Variants in IL1RAPL2 observed in about 807,000 individuals in gnomAD.
IL1RAPL2 encodes the protein X-linked interleukin-1 receptor accessory protein-like 2.
IL1RAPL2 carries 3 observed loss-of-function variants against 44.1 expected under a neutral mutation model. That is an observed-to-expected ratio of 0.07 (90% CI 0.03 to 0.18). IL1RAPL2 has a LOEUF of 0.18. Ranked by LOEUF, IL1RAPL2 falls within the 10% of genes least tolerant of loss-of-function variation. IL1RAPL2 has a pLI of 1.00. For synonymous variants in IL1RAPL2, 181 were observed against 178.8 expected (o/e 1.01, Z -0.10); for missense variants, 391 against 496.4 (o/e 0.79, Z 2.02).
intron 3 of IL1RAPL2, among the ~76,000 whole-genome samples, chrX:105,204,651 C>T (rs1331821531): frequency 8.9e-6 from 1 of 112,057 alleles, no homozygotes; most frequent in African/African-American, 3.2e-5. Flanking sequence ...CACTGTGGTG[C>T]AATCTTCTAT....
intron 7 of IL1RAPL2, among the ~76,000 whole-genome samples, chrX:105,721,081 C>A (rs2038299936): frequency 9.0e-6 from 1 of 111,273 alleles, no homozygotes; most frequent in South Asian, 3.8e-4. Flanking sequence ...AATAGATGAG[C>A]AAATTGTTGT....
At chrX:104,922,261 G>T (rs1318116880) in intron 2 of IL1RAPL2, among the ~76,000 whole-genome samples, 2 of 112,988 alleles carry the variant, frequency 1.8e-5, no homozygotes, top group Non-Finnish European at 3.7e-5. Flanking sequence ...TGCTGTCCTC[G>T]GCAATCGCCA....
chrX:105,082,835 A>G (rs1046814957), intron 2 of IL1RAPL2, among the ~76,000 whole-genome samples: 8 of 111,862 alleles, frequency 7.2e-5, no homozygotes, highest in African/African-American at 2.6e-4. Flanking sequence ...AAATCCACAA[A>G]GATGGGGATA....
At chrX:105,166,620 T>C (rs774999238) in intron 2 of IL1RAPL2, among the ~76,000 whole-genome samples, 6 of 112,419 alleles carry the variant, frequency 5.3e-5, no homozygotes, top group Non-Finnish European at 1.1e-4. Context: ...ATTGCAAAAG[T>C]GAAATTCTAG....
intron 5 of IL1RAPL2, among the ~76,000 whole-genome samples, chrX:105,311,578 C>A (rs2034796682): frequency 1.9e-5 from 2 of 106,319 alleles, no homozygotes; most frequent in African/African-American, 3.4e-5. Context: ...TTCATTTATC[C>A]CCCATCACTC....
chrX:105,681,608 A>ATTAG (rs1446186447), intron 6 of IL1RAPL2, among the ~76,000 whole-genome samples: 6 of 111,401 alleles, frequency 5.4e-5, no homozygotes, highest in African/African-American at 2.0e-4. Flanking sequence ...AAATACAAAA[A>ATTAG]TTAGTTGGGT....
At chrX:105,077,412 A>C (rs1396752665) in intron 2 of IL1RAPL2, among the ~76,000 whole-genome samples, 2 of 111,930 alleles carry the variant, frequency 1.8e-5, no homozygotes, top group Non-Finnish European at 1.9e-5. Flanking sequence ...CAGAGAGGTC[A>C]GCTGTTAGTC....
At chrX:104,961,437 C>A (rs995652859) in intron 2 of IL1RAPL2, among the ~76,000 whole-genome samples, 18 of 111,586 alleles carry the variant, frequency 1.6e-4, no homozygotes, top group African/African-American at 5.9e-4. Flanking sequence ...GAAATGATAT[C>A]TGTTTTTCTG....
intron 2 of IL1RAPL2, among the ~76,000 whole-genome samples, chrX:104,806,450 C>G (rs993529496): frequency 8.9e-6 from 1 of 112,530 alleles, no homozygotes; most frequent in African/African-American, 3.2e-5. Flanking sequence ...CAGAGGTCAA[C>G]GGGAAAAACT....
Position 104,582,586 on chromosome X carries a change from CTTTCTTTCTT to C in IL1RAPL2, c.-20+15547_-20+15556del, listed in dbSNP as rs1363236069. Among the ~76,000 whole-genome samples, 129 of 28,626 alleles carry C rather than the reference CTTTCTTTCTT, an allele frequency of 4.5e-3. 3 individuals are homozygous for C. Among genetic ancestry groups the C allele is most frequent in the African/African-American group, 0.012 (111 of 9,101 alleles). The allele number at this position is 28,626 out of a possible 115,157, so 24.9% of individuals were successfully genotyped here. On this transcript the variant is annotated intron_variant, in intron 1 of 10. Transcript: ENST00000372582. ...TTCTCCTCTTTCTTTCTTTTTCTTTCTTTCTTTCTTTTTCTTTCTTTCTTTCTTTCTTTCT... is the reference window on the plus strand; with the variant it reads ...TTCTCCTCTTTCTTTCTTTTTCTTTCTTTCTTTCTTTCTTTCTTTCTTTCT...
At chrX:105,433,156 G>A (rs746791875) in intron 5 of IL1RAPL2, among the ~76,000 whole-genome samples, 1 of 110,588 alleles carries the variant, frequency 9.0e-6, no homozygotes, top group South Asian at 3.9e-4. Flanking sequence ...GACACACATG[G>A]CTATTATTGA....
intron 10 of IL1RAPL2, among the ~76,000 whole-genome samples, chrX:105,761,220 TACACACACACACACACACACAC>T (rs113089380): frequency 1.2e-5 from 1 of 84,156 alleles, no homozygotes; most frequent in East Asian, 4.0e-4. Context: ...ACTCTTCCTA[TACACACACACACACACACACAC>T]ACACACACAC....
chrX:104,677,607 T>A (rs1474184645), intron 2 of IL1RAPL2, among the ~76,000 whole-genome samples: 1 of 112,743 alleles, frequency 8.9e-6, no homozygotes, highest in African/African-American at 3.2e-5. Context: ...GGCCTCCTTG[T>A]GCTGTGGTGG....
intron 1 of IL1RAPL2, among the ~76,000 whole-genome samples, chrX:104,632,730 A>G (rs758021635): frequency 9.2e-6 from 1 of 108,433 alleles, no homozygotes; most frequent in East Asian, 2.9e-4. Flanking sequence ...TATCAGCTTA[A>G]GGAGATTTTG....
In IL1RAPL2 at chrX:105,488,190, G is replaced by A. The variant is rs993128324; in HGVS notation, c.772+3803G>A. Among the ~76,000 whole-genome samples, 8 of 111,714 alleles carry A rather than the reference G, an allele frequency of 7.2e-5. No homozygotes were observed. In the South Asian group the frequency reaches 2.2e-3, roughly 31 times the overall value. ...TCCCGTTGAATCTGGGTTGGCCGTC[G>A]GGACACACTTGACCAATAGGGTGTG... On this transcript the variant is annotated intron_variant, in intron 6 of 10. Transcript: ENST00000372582.
chrX:104,670,566 A>G (rs1401710130), intron 2 of IL1RAPL2, among the ~76,000 whole-genome samples: 2 of 95,835 alleles, frequency 2.1e-5, no homozygotes, highest in Admixed American at 1.2e-4. Context: ...AATATTAACC[A>G]TCACACCACT....
chrX:105,012,598 TTCTCTCTCTCTCTCTC>T (rs1174323282), intron 2 of IL1RAPL2, among the ~76,000 whole-genome samples: 922 of 51,700 alleles, frequency 0.018, 20 homozygotes, highest in African/African-American at 0.079. Context: ...AACTTTCTCT[TTCTCTCTCTCTCTCTC>T]TCTCTCTCTC....
chrX:105,013,963 A>G (rs1246778434), intron 2 of IL1RAPL2, among the ~76,000 whole-genome samples: 7 of 112,450 alleles, frequency 6.2e-5, no homozygotes, highest in African/African-American at 1.9e-4. Flanking sequence ...TTTGATATGA[A>G]TCAACAAATC....
intron 3 of IL1RAPL2, among the ~76,000 whole-genome samples, chrX:105,209,055 CAGGA>C (rs1556155182): frequency 9.0e-6 from 1 of 111,645 alleles, no homozygotes; most frequent in Non-Finnish European, 1.9e-5. Flanking sequence ...AAATAGATGA[CAGGA>C]AGGCAATTTT....
Sources: allele counts gnomAD v4.1 joint callset (sites outside exome capture counted in the v4.1 genomes callset), GRCh38; gene constraint gnomAD v4.1.1; transcripts MANE v1.5; gene names NCBI Gene and HGNC (gene_info 2026-07-23, HGNC 2026-07-21).